The following GPM6B variants were observed in gnomAD, a reference collection of about 807,000 sequenced individuals.
The protein encoded by GPM6B is glycoprotein M6B.
In GPM6B, 4 loss-of-function variants were observed where a neutral mutation model predicts 27.2. The observed-to-expected ratio is 0.15, with a 90% CI of 0.07 to 0.34. The LOEUF (loss-of-function observed/expected upper bound fraction) is 0.34, where lower values mean the gene tolerates loss of function less well. Ranked by LOEUF, GPM6B falls within the 10% of genes least tolerant of loss-of-function variation. The pLI, the probability that GPM6B is intolerant of heterozygous loss-of-function variation, is 1.00. For synonymous variants in GPM6B, 124 were observed against 103.1 expected (o/e 1.20, Z -1.23); for missense variants, 183 against 261.9 (o/e 0.70, Z 2.08).
upstream of GPM6B, among the ~76,000 whole-genome samples, chrX:13,819,053 A>G (rs1413885195): frequency 3.6e-5 from 4 of 112,472 alleles, no homozygotes; most frequent in East Asian, 1.1e-3. Flanking sequence ...AGAATATGAA[A>G]GACATTCTTA....
intron 1 of GPM6B, among the ~76,000 whole-genome samples, chrX:13,869,149 T>C (rs1241360717): frequency 2.7e-5 from 3 of 112,208 alleles, no homozygotes; most frequent in East Asian, 5.6e-4. Flanking sequence ...GGGCCACAAA[T>C]AGGAATGAAG....
intron 1 of GPM6B, among the ~76,000 whole-genome samples, chrX:13,926,053 T>TAA (rs199803372): frequency 1.1e-5 from 1 of 93,193 alleles, no homozygotes; most frequent in Non-Finnish European, 2.1e-5. Context: ...AGACTCCATC[T>TAA]CAAAAAAAAA....
rs181437416 is a variant in GPM6B, at chrX:13,863,966, A to T, written c.-198+74361T>A. Among the ~76,000 whole-genome samples, 957 of 112,069 alleles carry T rather than the reference A, an allele frequency of 8.5e-3. 9 individuals carry two copies. Among genetic ancestry groups the T allele is most frequent in the African/African-American group, 0.03 (929 of 30,509 alleles). ...ATCAGTACTTTCGTGAAAGCAATTT[A>T]TGATATCTTATTATATTCAGAATTG... On this transcript the variant is annotated intron_variant, in intron 1 of 6. Coordinates refer to the GPM6B transcript ENST00000398361.
rs41309561 is a variant in GPM6B at position 13,771,137 on chromosome X, T to C, written c.*1744A>G. 1 of 112,433 alleles carries C rather than the reference T, an allele frequency of 8.9e-6. No individual in the cohort carries two copies. Among genetic ancestry groups the C allele is most frequent in the Non-Finnish European group, 1.9e-5 (1 of 53,158 alleles). 9.3% of individuals were successfully genotyped at this position (112,433 alleles called of 1,213,427 possible). ...CTGTTAGGTTACAAAAATTTATACA[T>C]AGCAAAATTTAATGCTCTTTACATA... On this transcript the variant is annotated 3_prime_UTR_variant, in exon 8 of 8. Transcript: ENST00000316715.
At chrX:13,916,663 A>G (rs866169102) in intron 1 of GPM6B, among the ~76,000 whole-genome samples, 8 of 90,185 alleles carry the variant, frequency 8.9e-5, no homozygotes, top group Non-Finnish European at 1.5e-4. Context: ...TAGTTTATTA[A>G]TGTGTGTGTG....
chrX:13,802,888 T>G (rs1339905010), intron 2 of GPM6B, among the ~76,000 whole-genome samples: 2 of 111,579 alleles, frequency 1.8e-5, no homozygotes, highest in African/African-American at 6.5e-5. Context: ...GGGGACAGAA[T>G]GATACCACCA....
chrX:13,827,868 T>C (rs776961533), intron 1 of GPM6B, among the ~76,000 whole-genome samples: 3 of 111,952 alleles, frequency 2.7e-5, no homozygotes, highest in Admixed American at 1.9e-4. Flanking sequence ...CTTGATGCTG[T>C]TTCAGCCACT....
chrX:13,890,573 T>C (rs2050179849), intron 1 of GPM6B, among the ~76,000 whole-genome samples: 1 of 111,381 alleles, frequency 9.0e-6, no homozygotes, highest in Admixed American at 9.6e-5. Context: ...TCCCAGCCTT[T>C]TGAGGGCAGG....
intron 1 of GPM6B, among the ~76,000 whole-genome samples, chrX:13,918,614 T>C (rs2050449454): frequency 8.9e-6 from 1 of 111,829 alleles, no homozygotes; most frequent in Non-Finnish European, 1.9e-5. Flanking sequence ...CGAGATTGGG[T>C]AATTTATTTT....
chrX:13,920,477 T>C (rs1323394949), intron 1 of GPM6B, among the ~76,000 whole-genome samples: 1 of 110,648 alleles, frequency 9.0e-6, no homozygotes, highest in Non-Finnish European at 1.9e-5. Flanking sequence ...TTTCATAATC[T>C]GAACCTAACA....
At chrX:13,901,482 G>A (rs1442319051) in intron 1 of GPM6B, among the ~76,000 whole-genome samples, 16 of 108,782 alleles carry the variant, frequency 1.5e-4, no homozygotes, top group African/African-American at 5.0e-4. Flanking sequence ...AATTATTCTT[G>A]CTCAATCCAT....
At chrX:13,853,899 G>A (rs1026762540) in intron 1 of GPM6B, among the ~76,000 whole-genome samples, 6 of 112,058 alleles carry the variant, frequency 5.4e-5, no homozygotes, top group Non-Finnish European at 1.1e-4. Context: ...TTATCACTTA[G>A]GGAAAGTTCT....
intron 1 of GPM6B, among the ~76,000 whole-genome samples, chrX:13,836,491 C>G (rs999214122): frequency 8.9e-6 from 1 of 112,447 alleles, no homozygotes; most frequent in African/African-American, 3.2e-5. Flanking sequence ...CCCATTTTTA[C>G]AGTGCAAAGA....
intron 1 of GPM6B, among the ~76,000 whole-genome samples, chrX:13,875,951 TACA>T (rs774447332): frequency 8.9e-6 from 1 of 112,459 alleles, no homozygotes; most frequent in South Asian, 3.7e-4. Flanking sequence ...GTGATGTTTG[TACA>T]ACATTGTGAA....
chrX:13,823,958 T>C (rs2049341646), intron 1 of GPM6B, among the ~76,000 whole-genome samples: 1 of 112,614 alleles, frequency 8.9e-6, no homozygotes, highest in Non-Finnish European at 1.9e-5. Flanking sequence ...CAGGCAGTAC[T>C]GCGGCATGAG....
chrX:13,810,105 G>A (rs1171078866), intron 1 of GPM6B, among the ~76,000 whole-genome samples: 2 of 110,702 alleles, frequency 1.8e-5, no homozygotes, highest in African/African-American at 3.3e-5. Context: ...GTGACAGGGT[G>A]AGACTCTGTC....
At chrX:13,794,509 C>A (rs760493433) in intron 2 of GPM6B, among the ~76,000 whole-genome samples, 2 of 111,406 alleles carry the variant, frequency 1.8e-5, no homozygotes, top group African/African-American at 6.5e-5. Flanking sequence ...ACCTCAAGAT[C>A]CTTGCAGGAG....
At chrX:13,847,912 C>G (rs921510921) in intron 1 of GPM6B, among the ~76,000 whole-genome samples, 28 of 111,746 alleles carry the variant, frequency 2.5e-4, no homozygotes, top group African/African-American at 9.1e-4. Context: ...GCCCAGACAG[C>G]AAGAAAGGAA....
chrX:13,869,706 A>G (rs1442882084), intron 1 of GPM6B, among the ~76,000 whole-genome samples: 1 of 111,988 alleles, frequency 8.9e-6, no homozygotes, highest in Non-Finnish European at 1.9e-5. Flanking sequence ...TTTGAGATAA[A>G]TTCAGACTTT....
Sources: allele counts gnomAD v4.1 joint callset (sites outside exome capture counted in the v4.1 genomes callset), GRCh38; gene constraint gnomAD v4.1.1; transcripts MANE v1.5; gene names NCBI Gene and HGNC (gene_info 2026-07-23, HGNC 2026-07-21).